TBC1D2B: variants seen among roughly 807,000 people sequenced by gnomAD.
The protein encoded by TBC1D2B is TBC1 domain family, member 2B.
A neutral mutation model predicts 100.8 loss-of-function variants in TBC1D2B; 64 were observed. The ratio of observed to expected loss-of-function variants is 0.64; its 90% CI spans 0.52 to 0.78. TBC1D2B has a LOEUF of 0.78. Among genes scored for constraint, TBC1D2B ranks in the 30% least tolerant of loss-of-function variants. The pLI, the probability that TBC1D2B is intolerant of heterozygous loss-of-function variation, is 0.00. For missense variants in TBC1D2B, 1,052 were observed against 1,218.4 expected (o/e 0.86, Z 2.03); for synonymous variants, 480 against 479.7 (o/e 1.00, Z -0.01).
intron 1 of TBC1D2B, chr15:78,065,970 T>C (rs1310850504): frequency 8.5e-6 from 4 of 470,446 alleles, no homozygotes; most frequent in African/African-American, 2.0e-5. Context: ...GGTCGTCCTA[T>C]ATCATTGTTA....
At chr15:77,999,042 G>A in intron 12 of TBC1D2B, 1 of 247,034 alleles carries the variant, frequency 4.0e-6, no homozygotes, top group Non-Finnish European at 8.4e-6. Context: ...GCTGTCCTGA[G>A]GCCTGGCTAT....
rs1254855209 is a variant in TBC1D2B, at chr15:78,046,284, C to G, written c.515-1216G>C. The stretch of plus-strand genomic sequence containing the variant: ...TTTGTATTCTTCCAAATAACATAAT[C>G]TGCACTGGTATTTCAGTGGTAGAAT... On this transcript the variant is annotated intron_variant, in intron 2 of 12. Transcript: ENST00000300584. 3.3e-5 allele frequency among the ~76,000 whole-genome samples: 5 copies of G among 152,202 alleles called. 1 individual carries two copies. The South Asian group carries it at 1.0e-3, about 31-fold the overall frequency.
chr15:78,030,151 G>A lies in TBC1D2B; in HGVS notation c.703C>T (p.Arg235Cys), dbSNP rs202117895. Residue 235 changes from arginine to cysteine, a missense_variant, in exon 4 of 13, where the codon CGT becomes TGT. By Grantham distance (180) the Arg-to-Cys change is radical. Transcript: ENST00000300584. ...NELKNSMSSF[R>C]PGRGHNDSRR... ...CTATCATTATGTCCTCTCCCAGGACGGAAAGAAGACATCGAATTCCTGTTG... is the reference window on the plus strand; with the variant it reads ...CTATCATTATGTCCTCTCCCAGGACAGAAAGAAGACATCGAATTCCTGTTG... 54 of 1,606,588 alleles carry A rather than the reference G, an allele frequency of 3.4e-5. No homozygotes were observed. Among genetic ancestry groups the A allele is most frequent in the East Asian group, 2.7e-4 (12 of 44,842 alleles).
chr15:78,060,217 A>G (rs1419933436), intron 1 of TBC1D2B, among the ~76,000 whole-genome samples: 1 of 152,238 alleles, frequency 6.6e-6, no homozygotes, highest in Non-Finnish European at 1.5e-5. Context: ...ACAGAACTGG[A>G]TGAGATCTGG....
At chr15:78,057,350 A>G (rs944449274) in intron 1 of TBC1D2B, among the ~76,000 whole-genome samples, 1 of 152,168 alleles carries the variant, frequency 6.6e-6, no homozygotes, top group South Asian at 2.1e-4. Flanking sequence ...TTCAAAAAAA[A>G]AACCTAAACA....
At chr15:78,047,494 G>C (rs1368999444) in intron 2 of TBC1D2B, among the ~76,000 whole-genome samples, 3 of 152,158 alleles carry the variant, frequency 2.0e-5, no homozygotes, top group Non-Finnish European at 4.4e-5. Context: ...AGGGTTCCAG[G>C]AGATGCCTGG....
intron 3 of TBC1D2B, among the ~76,000 whole-genome samples, chr15:78,041,248 G>GT (rs765344265): frequency 3.9e-5 from 6 of 152,012 alleles, no homozygotes; most frequent in Non-Finnish European, 7.4e-5. Flanking sequence ...TATTTCACGG[G>GT]TTTAGTAAAT....
Position 78,008,977 on chromosome 15 carries a change from C to G in TBC1D2B, c.2388+20G>C. 6.6e-7 allele frequency: 1 copy of G among 1,526,490 alleles called. No homozygotes were observed. The highest frequency in any genetic ancestry group is 8.9e-7 in the Non-Finnish European group (1 of 1,119,044). 94.6% of individuals were successfully genotyped at this position (1,526,490 alleles called of 1,614,324 possible). On this transcript the variant is annotated intron_variant, in intron 10 of 12. Coordinates refer to ENST00000300584, the MANE Select transcript of TBC1D2B (RefSeq NM_144572.2). ...GCAATTCTAAAAGTGGTGACTAAAA[C>G]ACAGAATTTTCAGAACTACCTGGGA...
At chr15:78,052,138 C>T (rs895390457) in intron 2 of TBC1D2B, among the ~76,000 whole-genome samples, 1 of 152,194 alleles carries the variant, frequency 6.6e-6, no homozygotes, top group Admixed American at 6.5e-5. Flanking sequence ...CAACTGCTTC[C>T]AGCCAGTAGC....
intron 6 of TBC1D2B, among the ~76,000 whole-genome samples, chr15:78,018,264 A>C (rs1291949367): frequency 3.3e-5 from 5 of 152,194 alleles, no homozygotes; most frequent in Non-Finnish European, 7.3e-5. Context: ...ATCTATGCAA[A>C]TATTTTATCT....
Position 78,026,371 on chromosome 15 carries a change from TCCC to T in TBC1D2B, c.848-877_848-875del, listed in dbSNP as rs1446135724. Reference sequence around the variant, plus strand: ...AGGTTTGCAATAAAAACAAGTTTGGTCCCCTGGCTCTCCCTCACCCTTGCCCTC... The same window carrying T: ...AGGTTTGCAATAAAAACAAGTTTGGTCTGGCTCTCCCTCACCCTTGCCCTC... On this transcript the variant is annotated intron_variant, in intron 4 of 12. Coordinates refer to ENST00000300584, the MANE Select transcript of TBC1D2B (RefSeq NM_144572.2). 3.2e-4 allele frequency among the ~76,000 whole-genome samples: 49 copies of T among 152,230 alleles called. 2 individuals are homozygous for T. The East Asian group carries it at 8.5e-3, about 26-fold the overall frequency.
At chr15:78,074,814 TGTGA>T (rs1362432108) in intron 1 of TBC1D2B, among the ~76,000 whole-genome samples, 1 of 152,256 alleles carries the variant, frequency 6.6e-6, no homozygotes, top group African/African-American at 2.4e-5. Context: ...TTTTATTGTT[TGTGA>T]GAGTAATCCA....
chr15:78,077,710 G>GCGCCCCCTA lies in TBC1D2B; in HGVS notation c.-59_-58insTAGGGGGCG, dbSNP rs2073857475. On this transcript the variant is annotated 5_prime_UTR_variant, in exon 1 of 13. Transcript: ENST00000300584. ...CCTGCGCCTCCGCGCCGCGGCCGCT[G>GCGCCCCCTA]CGCCCCCTACCCCCTCCGCACCGCC... 2.0e-6 allele frequency: 2 copies of GCGCCCCCTA among 984,360 alleles called. No homozygotes were observed. Among genetic ancestry groups the GCGCCCCCTA allele is most frequent in the Admixed American group, 6.2e-5 (1 of 16,108 alleles). 61.0% of individuals were successfully genotyped at this position (984,360 alleles called of 1,614,324 possible). A position where few individuals can be genotyped will look rare whatever the true frequency, so the allele number is the denominator to read the frequency against.
At chr15:78,066,445 C>T (rs891603778) in intron 1 of TBC1D2B, among the ~76,000 whole-genome samples, 3 of 152,148 alleles carry the variant, frequency 2.0e-5, no homozygotes, top group Non-Finnish European at 4.4e-5. Flanking sequence ...AGGGAAGCCA[C>T]AGAGATCTGC....
rs1479063629 is a variant in TBC1D2B at position 77,996,028 on chromosome 15, C to G, written c.*2132G>C. 26 of 151,432 alleles carry G rather than the reference C, an allele frequency of 1.7e-4. No individual in the cohort carries two copies. The highest frequency in any genetic ancestry group is 5.1e-4 in the African/African-American group (21 of 41,252). 9.4% of individuals were successfully genotyped at this position (151,432 alleles called of 1,614,324 possible). A position where few individuals can be genotyped will look rare whatever the true frequency, so the allele number is the denominator to read the frequency against. On this transcript the variant is annotated 3_prime_UTR_variant, in exon 13 of 13. Transcript: ENST00000300584. Reference sequence around the variant, plus strand: ...GTCCCGTTCCCAAACTTTAACCAGGCGGAGCCGCCCTCTCTTGCCTTCTGG... The same window carrying G: ...GTCCCGTTCCCAAACTTTAACCAGGGGGAGCCGCCCTCTCTTGCCTTCTGG...
chr15:78,060,199 C>T (rs2073514170), intron 1 of TBC1D2B, among the ~76,000 whole-genome samples: 1 of 152,162 alleles, frequency 6.6e-6, no homozygotes. Context: ...GTAGTTAGCA[C>T]TAAGAATACA....
chr15:78,035,796 A>C lies in TBC1D2B; in HGVS notation c.684-5626T>G, dbSNP rs1041088688. On this transcript the variant is annotated intron_variant, in intron 3 of 12. Transcript: ENST00000300584. The stretch of plus-strand genomic sequence containing the variant: ...ACAAGCAGATGTCCATGGCTAGGAA[A>C]CTGCTTAAATAACTTAGGGCACATT... Among the ~76,000 whole-genome samples the C allele has an allele frequency of 1.2e-4, 18 of 152,368 alleles. No individual in the cohort carries two copies. In the East Asian group the frequency reaches 2.9e-3, roughly 24 times the overall value.
chr15:78,038,012 C>A (rs1350507837), intron 3 of TBC1D2B, among the ~76,000 whole-genome samples: 4 of 152,210 alleles, frequency 2.6e-5, no homozygotes, highest in South Asian at 2.1e-4. Flanking sequence ...GGGAGTGTGG[C>A]ACAAGGGCAG....
At chr15:78,015,477 C>T (rs187612776) in intron 8 of TBC1D2B, among the ~76,000 whole-genome samples, 232 of 152,224 alleles carry the variant, frequency 1.5e-3, no homozygotes, top group African/African-American at 5.1e-3. Context: ...GAGCACAAAA[C>T]GCTTTTGCAT....
Sources: allele counts gnomAD v4.1 joint callset (sites outside exome capture counted in the v4.1 genomes callset), GRCh38; gene constraint gnomAD v4.1.1; transcripts MANE v1.5; gene names NCBI Gene and HGNC (gene_info 2026-07-23, HGNC 2026-07-21).